The following TPST1 variants were observed in gnomAD, a reference collection of about 807,000 sequenced individuals.
TPST1 encodes the protein protein-tyrosine sulfotransferase 1.
Under a neutral mutation model 34.8 loss-of-function variants are expected in TPST1, and 20 were observed. The ratio of observed to expected loss-of-function variants is 0.57; its 90% CI spans 0.40 to 0.84. TPST1 has a LOEUF of 0.84. Ranked by LOEUF, TPST1 falls within the 40% of genes least tolerant of loss-of-function variation. TPST1 has a pLI of 0.00. For missense variants in TPST1, 353 were observed against 455.5 expected (o/e 0.78, Z 2.05); for synonymous variants, 152 against 159.4 (o/e 0.95, Z 0.35).
chr7:66,295,465 A>T (rs1791174065), intron 3 of TPST1, among the ~76,000 whole-genome samples: 1 of 152,236 alleles, frequency 6.6e-6, no homozygotes, highest in Admixed American at 6.5e-5. Flanking sequence ...ACTGCACTCC[A>T]GCCTGGGTGA....
At chr7:66,293,715 CT>C (rs2115975889) in intron 3 of TPST1, among the ~76,000 whole-genome samples, 1 of 152,238 alleles carries the variant, frequency 6.6e-6, no homozygotes, top group African/African-American at 2.4e-5. Flanking sequence ...GACCTTACTT[CT>C]GATTTCTTTC....
At chr7:66,246,179 A>ATTTTTTT (rs35051150) in intron 2 of TPST1, among the ~76,000 whole-genome samples, 2 of 92,382 alleles carry the variant, frequency 2.2e-5, no homozygotes, top group Non-Finnish European at 4.0e-5. Flanking sequence ...TGCCTGGCTA[A>ATTTTTTT]TTTTTTTTTT....
At chr7:66,236,486 G>A (rs1307214356) in intron 1 of TPST1, among the ~76,000 whole-genome samples, 1 of 152,050 alleles carries the variant, frequency 6.6e-6, no homozygotes, top group East Asian at 1.9e-4. Context: ...TAAGGTATAT[G>A]TACTTTATTT....
chr7:66,250,477 T>C (rs1425559705), intron 2 of TPST1, among the ~76,000 whole-genome samples: 1 of 152,244 alleles, frequency 6.6e-6, no homozygotes, highest in Non-Finnish European at 1.5e-5. Flanking sequence ...CACTGTCCTT[T>C]ATTGATTATG....
chr7:66,292,800 G>A (rs1179196448), intron 3 of TPST1, among the ~76,000 whole-genome samples: 1 of 150,468 alleles, frequency 6.6e-6, no homozygotes. Context: ...AGATGGAAAT[G>A]CAGAAATCAC....
At chr7:66,254,270 T>C (rs907771136) in intron 2 of TPST1, among the ~76,000 whole-genome samples, 1 of 152,250 alleles carries the variant, frequency 6.6e-6, no homozygotes, top group African/African-American at 2.4e-5. Context: ...TTAGGTCGTC[T>C]ACAATATCCT....
chr7:66,206,953 C>T lies in TPST1; in HGVS notation c.-102+1431C>T, dbSNP rs1183649913. ...CTCTCCCTCCCCCTCTCCAAACACTCGCTCTTGGAGGAAATAGCGAGTCGA... is the reference window on the plus strand; with the variant it reads ...CTCTCCCTCCCCCTCTCCAAACACTTGCTCTTGGAGGAAATAGCGAGTCGA... On this transcript the variant is annotated intron_variant, in intron 1 of 5. Transcript: ENST00000304842. Among the ~76,000 whole-genome samples, 4 of 152,122 alleles carry T rather than the reference C, an allele frequency of 2.6e-5. No individual in the cohort carries two copies. In the East Asian group the frequency reaches 5.8e-4, roughly 22 times the overall value.
intron 2 of TPST1, among the ~76,000 whole-genome samples, chr7:66,262,234 G>C (rs1790502861): frequency 6.6e-6 from 1 of 152,184 alleles, no homozygotes; most frequent in Non-Finnish European, 1.5e-5. Context: ...CTGGACCTGG[G>C]CAGTAAGACA....
intron 2 of TPST1, among the ~76,000 whole-genome samples, chr7:66,252,777 A>T (rs1158840706): frequency 6.6e-6 from 1 of 152,114 alleles, no homozygotes. Context: ...AATTTTTTGT[A>T]AAAAAATTCT....
At chr7:66,271,163 C>T (rs577054073) in intron 2 of TPST1, among the ~76,000 whole-genome samples, 1 of 151,924 alleles carries the variant, frequency 6.6e-6, no homozygotes, top group Non-Finnish European at 1.5e-5. Context: ...TCAAATTGTT[C>T]CTTCTCTGGC....
chr7:66,282,606 C>T (rs1318665151), intron 2 of TPST1, among the ~76,000 whole-genome samples: 1 of 152,146 alleles, frequency 6.6e-6, no homozygotes, highest in East Asian at 1.9e-4. Context: ...ACTTCCAGGT[C>T]TGCGTTCTCT....
intron 1 of TPST1, among the ~76,000 whole-genome samples, chr7:66,215,515 C>A (rs1218082366): frequency 6.6e-6 from 1 of 151,148 alleles, no homozygotes; most frequent in Non-Finnish European, 1.5e-5. Context: ...GCTGGGACTA[C>A]AGGTGCCTGC....
At chr7:66,354,851 C>T (rs146143943) in intron 4 of TPST1, among the ~76,000 whole-genome samples, 1 of 152,032 alleles carries the variant, frequency 6.6e-6, no homozygotes, top group African/African-American at 2.4e-5. Context: ...AAAAAATTAG[C>T]TGGGTGTGGT....
chr7:66,284,799 C>T (rs1466121880), intron 2 of TPST1, among the ~76,000 whole-genome samples: 1 of 152,010 alleles, frequency 6.6e-6, no homozygotes, highest in Non-Finnish European at 1.5e-5. Flanking sequence ...TCAAATAATC[C>T]ACCCACTTTG....
chr7:66,199,457 G>C, the TPST1 span, among the ~76,000 whole-genome samples: 2 of 151,946 alleles, frequency 1.3e-5, no homozygotes, highest in African/African-American at 4.8e-5. Context: ...ACCACACCCA[G>C]CTAATTTTTG....
chr7:66,336,589 G>A (rs928145379), intron 3 of TPST1, among the ~76,000 whole-genome samples: 4 of 152,096 alleles, frequency 2.6e-5, no homozygotes, highest in Admixed American at 6.5e-5. Flanking sequence ...GGGTAAAGAA[G>A]ACCTACAAGA....
chr7:66,345,099 A>T (rs1792317902), intron 3 of TPST1, among the ~76,000 whole-genome samples: 1 of 152,104 alleles, frequency 6.6e-6, no homozygotes, highest in Admixed American at 6.6e-5. Flanking sequence ...AGGAAAAGAG[A>T]GAAAGGAATA....
At position 66,240,631 on chromosome 7, in the gene TPST1, T is replaced by C; in HGVS notation, c.206T>C (p.Met69Thr). The C allele has an allele frequency of 1.2e-6, 2 of 1,614,228 alleles. No homozygotes were observed. The highest frequency in any genetic ancestry group is 1.6e-4 in the Middle Eastern group (1 of 6,062). The change falls in exon 2 of 6, where the codon ATG becomes ACG. Residue 69 changes from methionine (M) to threonine (T), a missense_variant. By Grantham distance (81) the Met-to-Thr change is moderately conservative. Transcript: ENST00000304842. The part of the protein sequence containing the change: ...ANKTFAYHKD[M>T]PLIFIGGVPR... ...AAAACCTTTGCCTATCACAAAGATA[T>C]GCCTTTAATATTTATTGGAGGTGTG...
At chr7:66,238,786 T>C (rs527784336) in intron 1 of TPST1, among the ~76,000 whole-genome samples, 1 of 152,350 alleles carries the variant, frequency 6.6e-6, no homozygotes, top group South Asian at 2.1e-4. Context: ...TAAAATTAAC[T>C]GTCACACTTG....
Sources: gnomAD v4.1 joint callset for allele counts (sites outside exome capture counted in the v4.1 genomes callset) on GRCh38, gnomAD v4.1.1 for gene constraint, MANE v1.5 for transcripts, NCBI Gene and HGNC (gene_info 2026-07-23, HGNC 2026-07-21) for gene names.